AGBL2: variants seen among roughly 807,000 people sequenced by gnomAD.
AGBL2 encodes cytosolic carboxypeptidase 2.
In AGBL2, 87 loss-of-function variants were observed where a neutral mutation model predicts 103.0. The observed-to-expected ratio is 0.84, with a 90% CI of 0.71 to 1.01. The LOEUF is 1.01. Ranked by LOEUF, AGBL2 falls within the 50% of genes least tolerant of loss-of-function variation. The probability of loss-of-function intolerance (pLI) is 0.00; values close to 1 mark genes in which losing one functional copy is unlikely to be tolerated. For synonymous variants in AGBL2, 335 were observed against 356.7 expected (o/e 0.94, Z 0.69); for missense variants, 904 against 1,023.5 (o/e 0.88, Z 1.59).
chr11:47,714,793 TC>T, intron 1 of AGBL2, 43 bp from the exon 2 acceptor site: 2 of 812,246 alleles, frequency 2.5e-6, no homozygotes, highest in Non-Finnish European at 2.1e-6. Context: ...TGCCAATACC[TC>T]CCCGGGCGCC....
intron 14 of AGBL2, among the ~76,000 whole-genome samples, chr11:47,669,219 C>T (rs1216808803): frequency 1.3e-5 from 2 of 152,146 alleles, no homozygotes; most frequent in African/African-American, 4.8e-5. Flanking sequence ...AGGCTCATGC[C>T]GCCATGCCTG....
chr11:47,670,655 A>C (rs1452829875), intron 14 of AGBL2, among the ~76,000 whole-genome samples: 1 of 151,720 alleles, frequency 6.6e-6, no homozygotes, highest in Non-Finnish European at 1.5e-5. Context: ...CCAGGAATTA[A>C]AGACCAGACT....
Position 47,699,448 on chromosome 11 carries a change from G to C in AGBL2, c.692C>G (p.Ser231Ter), listed in dbSNP as rs748792903. Residue 231 changes from serine (S) to a stop codon, truncating the protein, a stop_gained and splice_region_variant, in exon 8 of 19, where the codon TCA becomes TGA. Transcript: ENST00000525123. LOFTEE classifies it high-confidence loss of function. The stretch of plus-strand genomic sequence containing the variant: ...ATTGTTCAGTGTAATGACAATACCT[G>C]AATCTAATTGATAGACAACTGTTCC... Reference protein sequence around the residue: ...KKGTVVYQLDSVPIEGSYFTS... With the variant: ...KKGTVVYQLD 2 of 1,500,224 alleles carry C rather than the reference G, an allele frequency of 1.3e-6. No individual in the cohort carries two copies. The highest frequency in any genetic ancestry group is 2.3e-5 in the South Asian group (2 of 86,632). The allele number at this position is 1,500,224 out of a possible 1,614,324, so 92.9% of individuals were successfully genotyped here.
At position 47,706,327 on chromosome 11, in the gene AGBL2, T is replaced by C. The variant is rs567866876; in HGVS notation, c.233-410A>G. Among the ~76,000 whole-genome samples the C allele has an allele frequency of 1.4e-4, 21 of 151,982 alleles. No homozygotes were observed. The South Asian group carries it at 4.4e-3, about 32-fold the overall frequency. ...GTCAGGAGATCGAGACCATCCTGGC[T>C]AACATGGTGAAATCCTGTCTCTACT... On this transcript the variant is annotated intron_variant, in intron 4 of 18. Coordinates refer to ENST00000525123, the MANE Select transcript of AGBL2 (RefSeq NM_024783.4).
At chr11:47,708,298 C>T (rs890216447) in intron 4 of AGBL2, among the ~76,000 whole-genome samples, 8 of 151,652 alleles carry the variant, frequency 5.3e-5, no homozygotes, top group African/African-American at 1.9e-4. Flanking sequence ...GAACTCCTGA[C>T]CTCAGGTGAT....
intron 7 of AGBL2, 28 bp downstream of exon 7, chr11:47,704,515 C>CA: frequency 6.6e-7 from 1 of 1,511,304 alleles, no homozygotes; most frequent in Non-Finnish European, 9.0e-7. Context: ...GGCAGAATAG[C>CA]AAGACCACTG....
chr11:47,676,978 T>C (rs1020847004), intron 14 of AGBL2, among the ~76,000 whole-genome samples: 35 of 152,166 alleles, frequency 2.3e-4, no homozygotes, highest in African/African-American at 8.4e-4. Context: ...TACTCCTTTC[T>C]AATGGCTAAA....
chr11:47,680,261 C>G (rs1476300105), intron 12 of AGBL2, among the ~76,000 whole-genome samples, 188 bp from the exon 13 acceptor site: 1 of 151,204 alleles, frequency 6.6e-6, no homozygotes, highest in African/African-American at 2.4e-5. Flanking sequence ...ACCATCCTGG[C>G]TAACATGGTG....
At chr11:47,662,956 T>C in intron 18 of AGBL2, 70 bp downstream of exon 18, 1 of 1,273,080 alleles carries the variant, frequency 7.9e-7, no homozygotes, top group Middle Eastern at 1.9e-4. Flanking sequence ...CCAAATCACA[T>C]AATACATTTG....
At position 47,682,049 on chromosome 11, in the gene AGBL2, C is replaced by G. The variant is rs1231775325; in HGVS notation, c.1835G>C (p.Gly612Ala). The G allele has an allele frequency of 6.2e-7, 1 of 1,614,006 alleles. No homozygotes were observed. Among genetic ancestry groups the G allele is most frequent in the Non-Finnish European group, 8.5e-7 (1 of 1,180,028 alleles). ...CNFKVQKCKE[G>A]TGRVVMWRMG... ...CCGCCACATAACAACTCGTCCTGTT[C>G]CTTCTTTGCATTTTTGGACCTTAAA... Residue 612 changes from glycine (G) to alanine (A), a missense_variant, in exon 12 of 19, where the codon GGA becomes GCA. Gly to Ala is a moderately conservative substitution (Grantham distance 60). Coordinates refer to ENST00000525123, the MANE Select transcript of AGBL2 (RefSeq NM_024783.4).
chr11:47,678,343 A>ATTTTTTTTTTTTTTTTTTTTTTTT lies in AGBL2; in HGVS notation c.2017-943_2017-942insAAAAAAAAAAAAAAAAAAAAAAAA, dbSNP rs1440515781. ...TTATTTTATTTTATTTTATTATTTTATTTTTTTTGAGACGGAGTCTTGCTC... is the reference window on the plus strand; with the variant it reads ...TTATTTTATTTTATTTTATTATTTTATTTTTTTTTTTTTTTTTTTTTTTTTTTTTTTTGAGACGGAGTCTTGCTC... On this transcript the variant is annotated intron_variant, in intron 13 of 18. Transcript: ENST00000525123. Among the ~76,000 whole-genome samples, 26 of 116,858 alleles carry ATTTTTTTTTTTTTTTTTTTTTTTT rather than the reference A, an allele frequency of 2.2e-4. 1 individual carries two copies. In the South Asian group the frequency reaches 2.5e-3, roughly 11 times the overall value. 76.7% of individuals were successfully genotyped at this position (116,858 alleles called of 152,430 possible). A position where few individuals can be genotyped will look rare whatever the true frequency, so the allele number is the denominator to read the frequency against.
At chr11:47,697,383 C>A (rs1399362306) in intron 8 of AGBL2, among the ~76,000 whole-genome samples, 1 of 151,736 alleles carries the variant, frequency 6.6e-6, no homozygotes, top group Non-Finnish European at 1.5e-5. Context: ...TAACTACAGG[C>A]GCATGCCATC....
At chr11:47,677,987 CAG>C (rs1445447986) in intron 13 of AGBL2, among the ~76,000 whole-genome samples, 1 of 151,358 alleles carries the variant, frequency 6.6e-6, no homozygotes, top group East Asian at 2.0e-4. Context: ...TTTTTTGAGA[CAG>C]AGTCTTGCTC....
At position 47,660,327 on chromosome 11, in the gene AGBL2, G is replaced by C. The variant is rs776818105; in HGVS notation, c.2555C>G (p.Thr852Arg). Residue 852 changes from threonine (T) to arginine (R), a missense_variant, in exon 19 of 19, where the codon ACA (threonine) becomes AGA (arginine). Physicochemically the swap from Thr to Arg is moderately conservative, Grantham distance 71 (BLOSUM62 -1). Coordinates refer to ENST00000525123, the MANE Select transcript of AGBL2 (RefSeq NM_024783.4). ...GGTTCTCTTTGGAGAGCATGATACTGTAAAGCCTGGCTTCTTATTCTGTGC... is the reference window on the plus strand; with the variant it reads ...GGTTCTCTTTGGAGAGCATGATACTCTAAAGCCTGGCTTCTTATTCTGTGC... ...GRMQNKKPGF[T>R]VSCSPKRTIN... 6.2e-7 allele frequency: 1 copy of C among 1,612,306 alleles called. No homozygotes were observed. The highest frequency in any genetic ancestry group is 1.1e-5 in the South Asian group (1 of 90,736).
At chr11:47,662,860 G>A (rs1467657934) in intron 18 of AGBL2, among the ~76,000 whole-genome samples, 166 bp downstream of exon 18, 1 of 152,152 alleles carries the variant, frequency 6.6e-6, no homozygotes, top group East Asian at 1.9e-4. Flanking sequence ...AGTGGTAACT[G>A]TAGCCTGAGG....
intron 8 of AGBL2, among the ~76,000 whole-genome samples, chr11:47,698,085 C>T (rs2097483331): frequency 6.6e-6 from 1 of 150,978 alleles, no homozygotes; most frequent in African/African-American, 2.4e-5. Context: ...TGGTCTCGAA[C>T]TGCCGACCTC....
chr11:47,706,261 A>C (rs2097518869), intron 4 of AGBL2, among the ~76,000 whole-genome samples: 1 of 152,162 alleles, frequency 6.6e-6, no homozygotes, highest in Non-Finnish European at 1.5e-5. Flanking sequence ...TCATGCCTGT[A>C]ATCCCAGCAC....
chr11:47,689,955 G>T (rs1295981934), intron 10 of AGBL2, 121 bp downstream of exon 10: 9 of 833,036 alleles, frequency 1.1e-5, no homozygotes, highest in African/African-American at 1.7e-5. Context: ...TAAGGGCTCT[G>T]TCTCCAAAGT....
intron 14 of AGBL2, among the ~76,000 whole-genome samples, chr11:47,672,969 A>G (rs1377529494): frequency 1.3e-5 from 2 of 152,188 alleles, no homozygotes; most frequent in Non-Finnish European, 2.9e-5. Context: ...GTATTCTTGC[A>G]TACCTGGGAG....
Sources: gnomAD v4.1 joint callset for allele counts (sites outside exome capture counted in the v4.1 genomes callset) on GRCh38, gnomAD v4.1.1 for gene constraint, MANE v1.5 for transcripts, NCBI Gene and HGNC (gene_info 2026-07-23, HGNC 2026-07-21) for gene names.